HPSE2: variants seen among roughly 807,000 people sequenced by gnomAD.
HPSE2 encodes inactive heparanase-2.
HPSE2 carries 38 observed loss-of-function variants against 60.5 expected under a neutral mutation model. The observed-to-expected ratio is 0.63, with a 90% confidence interval of 0.48 to 0.82. HPSE2 has a LOEUF of 0.82. HPSE2 is among the 40% of genes least tolerant of loss of function. The pLI is 0.00. For synonymous variants in HPSE2, 295 were observed against 293.2 expected, an observed-to-expected ratio of 1.01 and a Z score of -0.06; for missense variants, 713 against 740.4, an observed-to-expected ratio of 0.96 and a Z score of 0.43.
intron 11 of HPSE2, among the ~76,000 whole-genome samples, chr10:98,463,022 C>A (rs1940368673): frequency 6.6e-6 from 1 of 151,494 alleles, no homozygotes; most frequent in African/African-American, 2.4e-5. Context: ...ACCCAGAAAG[C>A]TTGGAGTCTT....
intron 11 of HPSE2, chr10:98,461,898 C>T: frequency 9.7e-7 from 1 of 1,035,228 alleles, no homozygotes; most frequent in Non-Finnish European, 1.5e-6. Context: ...CTGGAACAGG[C>T]CCTATTCTGG....
At chr10:98,839,306 T>G (rs990936789) in intron 3 of HPSE2, among the ~76,000 whole-genome samples, 13 of 152,178 alleles carry the variant, frequency 8.5e-5, no homozygotes, top group Non-Finnish European at 1.3e-4. Context: ...GGCTCTGAAC[T>G]CCTATCAGAT....
At position 99,167,743 on chromosome 10, in the gene HPSE2, A is replaced by T. The variant is rs139350234; in HGVS notation, c.449-23344T>A. The stretch of plus-strand genomic sequence containing the variant: ...AGTGTGTGTGTGTGTATTCATGTCC[A>T]TATATTCATACACACACAAACACAC... On this transcript the variant is annotated intron_variant, in intron 2 of 11. Transcript: ENST00000370552. Among the ~76,000 whole-genome samples, 1,184 of 152,218 alleles carry T rather than the reference A, an allele frequency of 7.8e-3. 5 individuals are homozygous for T. Among genetic ancestry groups the T allele is most frequent in the Non-Finnish European group, 0.011 (777 of 68,016 alleles).
intron 9 of HPSE2, among the ~76,000 whole-genome samples, chr10:98,513,048 T>G (rs1369357084): frequency 6.6e-6 from 1 of 152,234 alleles, no homozygotes; most frequent in Non-Finnish European, 1.5e-5. Context: ...ATATGTGTCT[T>G]TCCTTCTAGA....
In HPSE2 at chr10:99,147,169, GGT is replaced by G. The variant is rs544713705; in HGVS notation, c.449-2772_449-2771del. On this transcript the variant is annotated intron_variant, in intron 2 of 11. Transcript: ENST00000370552. ...TGACTTGCACAAGTTCACAAAACCT[GGT>G]CAGTGCTCAAATCCAGGGATGTTCA... Among the ~76,000 whole-genome samples the G allele has an allele frequency of 6.4e-4, 98 of 152,248 alleles. 1 individual carries two copies. Among genetic ancestry groups the G allele is most frequent in the African/African-American group, 2.3e-3 (96 of 41,550 alleles).
intron 3 of HPSE2, among the ~76,000 whole-genome samples, chr10:98,920,882 C>T (rs886611197): frequency 2.6e-5 from 4 of 152,288 alleles, no homozygotes; most frequent in Admixed American, 2.6e-4. Flanking sequence ...AACGTTCATC[C>T]ACCTTCTCAG....
chr10:98,758,161 T>C (rs72834997), intron 3 of HPSE2, among the ~76,000 whole-genome samples: 2,289 of 152,094 alleles, frequency 0.015, 32 homozygotes, highest in African/African-American at 0.03. Context: ...ACTGAACCCC[T>C]TCCTTCCACC....
the HPSE2 span, among the ~76,000 whole-genome samples, chr10:99,271,062 C>T: frequency 9.2e-5 from 14 of 152,146 alleles, no homozygotes; most frequent in Non-Finnish European, 1.5e-5. Flanking sequence ...AGTACTCCCC[C>T]TGAGAACTGG....
chr10:99,007,397 A>G (rs1415983796), intron 3 of HPSE2, among the ~76,000 whole-genome samples: 3 of 152,166 alleles, frequency 2.0e-5, no homozygotes. Context: ...CTGGAGTTGA[A>G]GGAGGAGAGA....
chr10:99,100,052 C>A (rs187714336), intron 3 of HPSE2, among the ~76,000 whole-genome samples: 1 of 152,150 alleles, frequency 6.6e-6, no homozygotes. Flanking sequence ...AAAAACAGAG[C>A]AGAAAAGCTG....
intron 9 of HPSE2, among the ~76,000 whole-genome samples, chr10:98,603,323 C>T (rs1411805577): frequency 6.6e-6 from 1 of 152,092 alleles, no homozygotes; most frequent in Non-Finnish European, 1.5e-5. Flanking sequence ...TGAGTTTTAC[C>T]TCCAGGAGCT....
chr10:98,881,066 C>G (rs560272574), intron 3 of HPSE2, among the ~76,000 whole-genome samples: 1 of 152,152 alleles, frequency 6.6e-6, no homozygotes, highest in South Asian at 2.1e-4. Flanking sequence ...CCCAATAATC[C>G]CTGCCCAGAA....
intron 3 of HPSE2, among the ~76,000 whole-genome samples, chr10:98,851,582 C>A (rs1307701159): frequency 6.6e-6 from 1 of 152,194 alleles, no homozygotes; most frequent in Non-Finnish European, 1.5e-5. Flanking sequence ...TGGCTTTTCA[C>A]CACTGTGTCT....
chr10:98,781,537 A>T (rs1487501059), intron 3 of HPSE2, among the ~76,000 whole-genome samples: 1 of 152,254 alleles, frequency 6.6e-6, no homozygotes, highest in African/African-American at 2.4e-5. Flanking sequence ...ACACCTAAAT[A>T]GAAAAATTGG....
chr10:98,687,854 C>G (rs1437159861), intron 6 of HPSE2, among the ~76,000 whole-genome samples: 1 of 152,080 alleles, frequency 6.6e-6, no homozygotes, highest in Admixed American at 6.5e-5. Context: ...AAGTGTGTCT[C>G]TTGTAGGCAG....
chr10:98,752,328 T>C (rs1168546932), intron 3 of HPSE2, among the ~76,000 whole-genome samples: 1 of 152,136 alleles, frequency 6.6e-6, no homozygotes, highest in African/African-American at 2.4e-5. Context: ...TCTTAAGCAG[T>C]TAAAAGAGTA....
At chr10:98,732,475 A>G (rs1949250734) in intron 4 of HPSE2, among the ~76,000 whole-genome samples, 1 of 152,160 alleles carries the variant, frequency 6.6e-6, no homozygotes, top group Non-Finnish European at 1.5e-5. Context: ...ATAGAAACAA[A>G]ACTATGTATG....
chr10:99,102,642 A>C (rs528495819), intron 3 of HPSE2, among the ~76,000 whole-genome samples: 1 of 152,350 alleles, frequency 6.6e-6, no homozygotes, highest in South Asian at 2.1e-4. Context: ...TGACGCCAGC[A>C]TCATCCTGAT....
At chr10:99,283,047 A>T in the HPSE2 span, among the ~76,000 whole-genome samples, 1 of 152,118 alleles carries the variant, frequency 6.6e-6, no homozygotes, top group East Asian at 1.9e-4. Context: ...TTAGCTGGGC[A>T]TGGTGGCAGG....
Sources: gnomAD v4.1 joint callset for allele counts (sites outside exome capture counted in the v4.1 genomes callset) on GRCh38, gnomAD v4.1.1 for gene constraint, MANE v1.5 for transcripts, NCBI Gene and HGNC (gene_info 2026-07-23, HGNC 2026-07-21) for gene names.